The following CES5A variants were observed in gnomAD, a reference collection of about 807,000 sequenced individuals.
The protein encoded by CES5A is carboxylesterase 5A.
CES5A carries 67 observed loss-of-function variants against 62.9 expected under a neutral mutation model. That is an observed-to-expected ratio of 1.07 (90% CI 0.88 to 1.31). The LOEUF (loss-of-function observed/expected upper bound fraction) is 1.31. Ranked by LOEUF, CES5A falls within the 50% of genes most tolerant of loss-of-function variation. CES5A has a pLI of 0.00. For missense variants in CES5A, 748 were observed against 708.5 expected, an observed-to-expected ratio of 1.06 and a Z score of -0.63; for synonymous variants, 296 against 280.8, an observed-to-expected ratio of 1.05 and a Z score of -0.54.
chr16:55,949,826 A>G, exon 2 of CES5A: 2 of 1,521,962 alleles, frequency 1.3e-6, no homozygotes, highest in Non-Finnish European at 1.8e-6. Flanking sequence ...AATCCTCAAT[A>G]CATACAAAGT....
Position 55,849,606 on chromosome 16 carries a change from A to G in CES5A, c.1423+18T>C. 6.2e-7 allele frequency: 1 copy of G among 1,613,358 alleles called. No individual in the cohort carries two copies. Among genetic ancestry groups the G allele is most frequent in the East Asian group, 2.2e-5 (1 of 44,854 alleles). On this transcript the variant is annotated intron_variant, in intron 11 of 12. Coordinates refer to ENST00000290567, the MANE Select transcript of CES5A (RefSeq NM_001143685.2). ...CAAGGGGCTTCATGTGAACTGTGGG[A>G]AGTGGCCAGTCCCTTACCGAACATA...
chr16:55,867,134 C>G lies in CES5A; in HGVS notation c.552-1018G>C, dbSNP rs74019304. 1.7e-3 allele frequency among the ~76,000 whole-genome samples: 253 copies of G among 152,306 alleles called. 1 individual carries two copies. The highest frequency in any genetic ancestry group is 5.8e-3 in the African/African-American group (239 of 41,564). On this transcript the variant is annotated intron_variant, in intron 4 of 12. Transcript: ENST00000290567. ...TATCCCCCAACCCCGTGCTCCCTCT[C>G]TGCTGGGAAGTGTTTGGGCAGAGGC...
intron 5 of CES5A, among the ~76,000 whole-genome samples, chr16:55,864,254 T>C (rs1254672548): frequency 1.4e-4 from 21 of 152,314 alleles, no homozygotes; most frequent in African/African-American, 5.1e-4. Context: ...GAAGGTAATT[T>C]TGAAGATGTA....
chr16:55,939,261 T>A (rs2034421376), intron 2 of CES5A, among the ~76,000 whole-genome samples: 1 of 152,128 alleles, frequency 6.6e-6, no homozygotes, highest in South Asian at 2.1e-4. Context: ...ATTGCAGCTT[T>A]GGGATAGAAT....
In CES5A at chr16:55,857,126, A is replaced by T. The variant is rs566036812; in HGVS notation, c.1057-681T>A. Among the ~76,000 whole-genome samples, 16 of 152,336 alleles carry T rather than the reference A, an allele frequency of 1.1e-4. No homozygotes were observed. In the South Asian group the frequency reaches 3.3e-3, roughly 32 times the overall value. On this transcript the variant is annotated intron_variant, in intron 8 of 12. Transcript: ENST00000290567. The stretch of plus-strand genomic sequence containing the variant: ...TGGGGCCACAAAGAAGAGAAGCCAC[A>T]GTGGGAGGTCAGGCAGTGGCTGAAA...
intron 1 of CES5A, among the ~76,000 whole-genome samples, chr16:55,907,669 G>A (rs1441664464): frequency 5.3e-5 from 8 of 152,168 alleles, no homozygotes; most frequent in Admixed American, 5.2e-4. Context: ...GACCAGCATA[G>A]TCAGAGAGGG....
intron 1 of CES5A, among the ~76,000 whole-genome samples, chr16:55,891,349 A>G (rs1480602106): frequency 6.6e-6 from 1 of 152,204 alleles, no homozygotes; most frequent in Non-Finnish European, 1.5e-5. Flanking sequence ...ATAAGAAAGA[A>G]AATCTTACAT....
upstream of CES5A, among the ~76,000 whole-genome samples, chr16:55,928,135 C>G (rs886251683): frequency 1.3e-5 from 2 of 151,870 alleles, no homozygotes; most frequent in African/African-American, 4.8e-5. Flanking sequence ...CCCAGCTACT[C>G]GGGAGGCTGA....
intron 11 of CES5A, 146 bp downstream of exon 11, chr16:55,849,478 G>C: frequency 1.2e-6 from 1 of 830,014 alleles, no homozygotes; most frequent in South Asian, 1.8e-5. Flanking sequence ...AAAATGGAAG[G>C]GAGGGCATTT....
chr16:55,908,931 C>T (rs1350373013), intron 1 of CES5A, among the ~76,000 whole-genome samples: 1 of 152,228 alleles, frequency 6.6e-6, no homozygotes, highest in Non-Finnish European at 1.5e-5. Context: ...CTTCTTCCTC[C>T]TTTCTCTCCA....
At chr16:55,933,089 A>G (rs1415067224) in intron 2 of CES5A, among the ~76,000 whole-genome samples, 2 of 152,336 alleles carry the variant, frequency 1.3e-5, no homozygotes, top group East Asian at 3.9e-4. Flanking sequence ...GAAGTCCTTC[A>G]TCTTGCAGCT....
chr16:55,955,967 G>T, exon 1 of CES5A: 2 of 1,390,802 alleles, frequency 1.4e-6, no homozygotes, highest in Non-Finnish European at 2.0e-6. Flanking sequence ...TGCACATCAT[G>T]TACATGGTAC....
intron 7 of CES5A, among the ~76,000 whole-genome samples, chr16:55,860,051 G>A (rs2033321887): frequency 6.6e-6 from 1 of 152,178 alleles, no homozygotes; most frequent in Non-Finnish European, 1.5e-5. Flanking sequence ...CTGGTGAGAG[G>A]TAATTGAATC....
intron 1 of CES5A, among the ~76,000 whole-genome samples, chr16:55,885,549 G>T (rs1223455712): frequency 6.6e-6 from 1 of 152,102 alleles, no homozygotes; most frequent in Non-Finnish European, 1.5e-5. Context: ...AGCATCCTAG[G>T]CTACCATGAA....
chr16:55,889,256 G>T (rs559834891), intron 1 of CES5A, among the ~76,000 whole-genome samples: 3 of 152,178 alleles, frequency 2.0e-5, no homozygotes, highest in East Asian at 1.9e-4. Flanking sequence ...ATGCCAGCTG[G>T]GTATCTTCTA....
intron 1 of CES5A, among the ~76,000 whole-genome samples, chr16:55,902,385 C>G (rs1267230859): frequency 7.9e-5 from 12 of 152,182 alleles, no homozygotes; most frequent in African/African-American, 2.9e-4. Context: ...CTCATCCCCA[C>G]AAGTTATTAC....
At chr16:55,873,173 T>C (rs2033628408) in intron 2 of CES5A, among the ~76,000 whole-genome samples, 1 of 152,080 alleles carries the variant, frequency 6.6e-6, no homozygotes, top group Admixed American at 6.6e-5. Context: ...GCCCACCCAG[T>C]AAGTCTCACC....
At chr16:55,867,140 G>C (rs1440888377) in intron 4 of CES5A, among the ~76,000 whole-genome samples, 1 of 152,166 alleles carries the variant, frequency 6.6e-6, no homozygotes, top group African/African-American at 2.4e-5. Flanking sequence ...CTCTCTGCTG[G>C]GAAGTGTTTG....
chr16:55,871,830 T>C, intron 2 of CES5A, 67 bp from the exon 3 acceptor site: 1 of 1,569,290 alleles, frequency 6.4e-7, no homozygotes, highest in Non-Finnish European at 8.7e-7. Context: ...AAGGGCCAGT[T>C]CTTCTGACAG....
Sources: allele counts gnomAD v4.1 joint callset (sites outside exome capture counted in the v4.1 genomes callset), GRCh38; gene constraint gnomAD v4.1.1; transcripts MANE v1.5; gene names NCBI Gene and HGNC (gene_info 2026-07-23, HGNC 2026-07-21).